Variants in A2M observed in about 807,000 individuals in gnomAD.
A2M encodes C3 and PZP-like alpha-2-macroglobulin domain-containing protein 5.
Under a neutral mutation model 183.9 loss-of-function variants are expected in A2M, and 128 were observed. The observed-to-expected ratio is 0.70, with a 90% CI of 0.60 to 0.81. A2M has a LOEUF of 0.81. Ranked by LOEUF, A2M falls within the 30% of genes least tolerant of loss-of-function variation. The pLI is 0.00. For synonymous variants in A2M, 592 were observed against 670.8 expected (o/e 0.88, Z 1.81); for missense variants, 1,495 against 1,787.6 (o/e 0.84, Z 2.95).
intron 14 of A2M, among the ~76,000 whole-genome samples, chr12:9,099,155 C>T (rs1405356868): frequency 6.6e-6 from 1 of 152,118 alleles, no homozygotes; most frequent in East Asian, 1.9e-4. Context: ...ATAACATACT[C>T]TGAACTGTGT....
At chr12:9,084,336 G>A (rs1948993384) in intron 22 of A2M, among the ~76,000 whole-genome samples, 1 of 152,036 alleles carries the variant, frequency 6.6e-6, no homozygotes, top group Non-Finnish European at 1.5e-5. Context: ...TTTATCTCTA[G>A]TACAAGGGTT....
At position 9,109,894 on chromosome 12, in the gene A2M, C is replaced by A. The variant is rs776320155; in HGVS notation, c.646G>T (p.Glu216Ter). The A allele has an allele frequency of 1.3e-5, 21 of 1,611,042 alleles. 1 individual carries two copies. Among genetic ancestry groups the A allele is most frequent in the Non-Finnish European group, 1.8e-5 (21 of 1,178,830 alleles). The change falls in exon 6 of 36, where the codon GAG becomes TAG. Residue 216 changes from glutamate (E) to a stop codon, truncating the protein, a stop_gained. Transcript: ENST00000318602. LOFTEE classifies it high-confidence loss of function. ...VVQKKSGGRT[E>*]HPFTVEEFVL... is the part of the protein sequence containing the mutation. ...AATTCCTCCACGGTGAAAGGGTGCT[C>A]TGTCCTTCCACCTGATTTCTTCTGT...
At position 9,068,766 on chromosome 12, in the gene A2M, A is replaced by C; in HGVS notation, c.4340T>G (p.Val1447Gly). 1 of 1,607,858 alleles carries C rather than the reference A, an allele frequency of 6.2e-7. No homozygotes were observed. Among genetic ancestry groups the C allele is most frequent in the East Asian group, 2.2e-5 (1 of 44,804 alleles). The part of the protein sequence containing the change: ...VPVRDLKPAI[V>G]KVYDYYETDE... ...CGTCTCGTAGTAATCATAGACTTTC[A>C]CTATGGCTGGTTTCAGATCTCTTAC... Residue 1447 changes from valine to glycine, a missense_variant, in exon 34 of 36, where the codon GTG becomes GGG. Transcript: ENST00000318602.
At position 9,076,873 on chromosome 12, in the gene A2M, C is replaced by A; in HGVS notation, c.3415G>T (p.Asp1139Tyr). Reference sequence around the variant, plus strand: ...TTGGTATATACATGGCTGCCATGGTCCCCTTCTTGTGCTGTCTTCCAGGCT... The same window carrying A: ...TTGGTATATACATGGCTGCCATGGTACCCTTCTTGTGCTGTCTTCCAGGCT... ...ESAWKTAQEGDHGSHVYTKAL... is the reference protein window; with the variant it reads ...ESAWKTAQEGYHGSHVYTKAL... The change falls in exon 28 of 36, where the codon GAC becomes TAC. Residue 1139 changes from aspartate to tyrosine, a missense_variant. Asp to Tyr is a radical substitution (Grantham distance 160, BLOSUM62 -3). Transcript: ENST00000318602. 6.2e-7 allele frequency: 1 copy of A among 1,613,266 alleles called. No individual in the cohort carries two copies. Among genetic ancestry groups the A allele is most frequent in the Non-Finnish European group, 8.5e-7 (1 of 1,179,658 alleles).
intron 14 of A2M, 127 bp downstream of exon 14, chr12:9,099,254 C>T (rs1199416658): frequency 6.9e-6 from 6 of 863,972 alleles, no homozygotes; most frequent in Non-Finnish European, 1.1e-5. Flanking sequence ...CTGCCACTAC[C>T]TTGCTGAATG....
chr12:9,067,961 C>T, intron 35 of A2M, 122 bp from the exon 36 acceptor site: 1 of 1,060,776 alleles, frequency 9.4e-7, no homozygotes. Context: ...AGTGGGAAAC[C>T]AAATCTATTC....
Position 9,107,510 on chromosome 12 carries a change from AG to A in A2M, c.879+13del, listed in dbSNP as rs781096164. The stretch of plus-strand genomic sequence containing the variant: ...TTTATCGCTATTCTCTAGAAAAAAT[AG>A]TGTTCAACCTACCTGTCCACTGAAT... On this transcript the variant is annotated intron_variant, in intron 8 of 35. Coordinates refer to ENST00000318602, the MANE Select transcript of A2M (RefSeq NM_000014.6). The A allele has an allele frequency of 6.2e-7, 1 of 1,613,508 alleles. No individual in the cohort carries two copies. Among genetic ancestry groups the A allele is most frequent in the Non-Finnish European group, 8.5e-7 (1 of 1,179,580 alleles).
chr12:9,077,480 C>A (rs1592337784), intron 26 of A2M, 60 bp from the exon 27 acceptor site: 1 of 1,521,842 alleles, frequency 6.6e-7, no homozygotes, highest in East Asian at 2.3e-5. Flanking sequence ...TTGATTAGTT[C>A]TTTCTATTCT....
rs569652700 is a variant in A2M at position 9,115,752 on chromosome 12, T to C, written c.86+12A>G. 1 of 1,603,510 alleles carries C rather than the reference T, an allele frequency of 6.2e-7. No individual in the cohort carries two copies. Among genetic ancestry groups the C allele is most frequent in the Admixed American group, 1.7e-5 (1 of 60,000 alleles). ...CTAGGTTCATGCTTCACGCTCTCTG[T>C]GTGGAACTCACGGTTTTCCAGAGAC... On this transcript the variant is annotated intron_variant, in intron 1 of 35. Transcript: ENST00000318602.
Position 9,079,772 on chromosome 12 carries a change from G to A in A2M, c.2898C>T (p.Leu966=), listed in dbSNP as rs763059565. 2 of 1,612,720 alleles carry A rather than the reference G, an allele frequency of 1.2e-6. No individual in the cohort carries two copies. Among genetic ancestry groups the A allele is most frequent in the South Asian group, 2.2e-5 (2 of 90,702 alleles). The change falls in exon 24 of 36, where the codon CTC becomes CTT. Residue 966 remains leucine (L), a synonymous_variant. Transcript: ENST00000318602. ...GSAMQNTQNL[L]QMPYGCGEQN... ...GCTCTCCACAGCCATAGGGCATCTG[G>A]AGAAGATTTTGTGTGTTTTGCATGG...
At chr12:9,107,755 C>T in intron 7 of A2M, 111 bp from the exon 8 acceptor site, 1 of 1,249,784 alleles carries the variant, frequency 8.0e-7, no homozygotes, top group African/African-American at 1.5e-5. Flanking sequence ...GTACTTCCCT[C>T]TGCTCTCTGC....
Position 9,068,740 on chromosome 12 carries a change from C to A in A2M, c.4366G>T (p.Asp1456Tyr). The A allele has an allele frequency of 6.3e-7, 1 of 1,593,692 alleles. No homozygotes were observed. Among genetic ancestry groups the A allele is most frequent in the Non-Finnish European group, 8.6e-7 (1 of 1,167,522 alleles). ...CTACGTGAAAATCACTCTCACTCAC[C>A]CGTCTCGTAGTAATCATAGACTTTC... ...IVKVYDYYET[D>Y]EFAIAEYNAP... Residue 1456 changes from aspartate (D) to tyrosine (Y), a missense_variant and splice_region_variant, in exon 34 of 36, where the codon GAT becomes TAT. Physicochemically the swap from Asp to Tyr is radical, Grantham distance 160. Coordinates refer to ENST00000318602, the MANE Select transcript of A2M (RefSeq NM_000014.6).
intron 25 of A2M, among the ~76,000 whole-genome samples, chr12:9,078,121 G>A (rs1272389762): frequency 6.6e-6 from 1 of 152,106 alleles, no homozygotes; most frequent in Non-Finnish European, 1.5e-5. Flanking sequence ...GTGCAGGTTT[G>A]TTACATAAGT....
chr12:9,074,833 A>G (rs547364569), intron 28 of A2M, 50 bp from the exon 29 acceptor site: 103 of 1,534,504 alleles, frequency 6.7e-5, no homozygotes, highest in Non-Finnish European at 8.7e-5. Context: ...TTTATATTTA[A>G]TTCAAGGTGA....
intron 32 of A2M, among the ~76,000 whole-genome samples, chr12:9,070,124 T>C (rs1194548033): frequency 6.6e-6 from 1 of 152,248 alleles, no homozygotes; most frequent in African/African-American, 2.4e-5. Flanking sequence ...TTTTCCTGTT[T>C]TGCTTGCTCT....
At chr12:9,072,208 A>G in intron 31 of A2M, 151 bp downstream of exon 31, 6 of 902,432 alleles carry the variant, frequency 6.6e-6, no homozygotes, top group Non-Finnish European at 9.9e-6. Flanking sequence ...AAACCCCATC[A>G]TTGAGAAATT....
At position 9,109,915 on chromosome 12, in the gene A2M, T is replaced by C; in HGVS notation, c.625A>G (p.Lys209Glu). 1 of 1,613,694 alleles carries C rather than the reference T, an allele frequency of 6.2e-7. No individual in the cohort carries two copies. The highest frequency in any genetic ancestry group is 8.5e-7 in the Non-Finnish European group (1 of 1,179,782). Residue 209 changes from lysine (K) to glutamate (E), a missense_variant, in exon 6 of 36, where the codon AAG (lysine) becomes GAG (glutamate). Lys to Glu is a moderately conservative substitution (Grantham distance 56). Coordinates refer to ENST00000318602, the MANE Select transcript of A2M (RefSeq NM_000014.6). Reference sequence around the variant, plus strand: ...TGCTCTGTCCTTCCACCTGATTTCTTCTGTACCACCACCTTGTAGGAGCCC... The same window carrying C: ...TGCTCTGTCCTTCCACCTGATTTCTCCTGTACCACCACCTTGTAGGAGCCC... ...FQGSYKVVVQKKSGGRTEHPF... is the reference protein window; with the variant it reads ...FQGSYKVVVQEKSGGRTEHPF...
At chr12:9,108,590 G>A (rs1459616930) in intron 7 of A2M, among the ~76,000 whole-genome samples, 1 of 152,226 alleles carries the variant, frequency 6.6e-6, no homozygotes, top group African/African-American at 2.4e-5. Context: ...ATCACTGTGA[G>A]ACAGAACTGG....
intron 22 of A2M, among the ~76,000 whole-genome samples, chr12:9,085,092 A>G (rs1030502894): frequency 6.6e-6 from 1 of 152,128 alleles, no homozygotes; most frequent in African/African-American, 2.4e-5. Context: ...GGGAATTTCA[A>G]CATCTCACTT....
Sources: gnomAD v4.1 joint callset for allele counts (sites outside exome capture counted in the v4.1 genomes callset) on GRCh38, gnomAD v4.1.1 for gene constraint, MANE v1.5 for transcripts, NCBI Gene and HGNC (gene_info 2026-07-23, HGNC 2026-07-21) for gene names.